The following THRB variants were observed in gnomAD, a reference collection of about 807,000 sequenced individuals.
The protein encoded by THRB is thyroid hormone receptor beta, also known as nuclear receptor subfamily 1 group A member 2.
In THRB, 12 loss-of-function variants were observed where a neutral mutation model predicts 47.8. The ratio of observed to expected loss-of-function variants is 0.25; its 90% CI spans 0.16 to 0.41. The LOEUF (loss-of-function observed/expected upper bound fraction) is 0.41, where lower values mean the gene tolerates loss of function less well. THRB is among the 10% of genes least tolerant of loss of function. The pLI is 1.00. For missense variants in THRB, 348 were observed against 589.2 expected (o/e 0.59, Z 4.24); for synonymous variants, 218 against 212.2 (o/e 1.03, Z -0.24).
At chr3:24,263,045 G>A (rs73823270) in intron 3 of THRB, among the ~76,000 whole-genome samples, 2,962 of 152,250 alleles carry the variant, frequency 0.019, 72 homozygotes, top group African/African-American at 0.058. Flanking sequence ...AAATATTAGT[G>A]TGACATACAG....
At chr3:24,164,521 A>C (rs1051688383) in intron 5 of THRB, among the ~76,000 whole-genome samples, 1 of 152,212 alleles carries the variant, frequency 6.6e-6, no homozygotes, top group African/African-American at 2.4e-5. Flanking sequence ...GAACATTTAC[A>C]GATCCTAGCA....
chr3:24,246,948 A>G (rs2050166821), intron 3 of THRB, among the ~76,000 whole-genome samples: 1 of 152,210 alleles, frequency 6.6e-6, no homozygotes. Flanking sequence ...AAATTCATGT[A>G]ATTTGAAAAC....
At chr3:24,362,597 T>A (rs923471537) in intron 1 of THRB, among the ~76,000 whole-genome samples, 15 of 152,182 alleles carry the variant, frequency 9.9e-5, no homozygotes, top group Non-Finnish European at 1.6e-4. Flanking sequence ...GTAAGCTTCA[T>A]GAAGGCAGAG....
At chr3:24,160,463 T>TCTG (rs1436709173) in intron 5 of THRB, among the ~76,000 whole-genome samples, 12 of 152,178 alleles carry the variant, frequency 7.9e-5, no homozygotes, top group African/African-American at 2.9e-4. Context: ...GCGGGAGGTA[T>TCTG]CTGCGGATAA....
rs915126316 is a variant in THRB, at chr3:24,133,328, A to C, written c.873T>G (p.Pro291=). ...TRVVDFAKKL[P]MFCELPCEDQ... ...ACAACATCCTCACCTCACAAAACAT[A>C]GGCAACTTTTTGGCAAAATCCACCA... Residue 291 remains proline, a synonymous_variant, in exon 9 of 11, where the codon CCT becomes CCG. Coordinates refer to ENST00000646209, the MANE Select transcript of THRB (RefSeq NM_001354712.2). 2 of 1,614,074 alleles carry C rather than the reference A, an allele frequency of 1.2e-6. No homozygotes were observed. The highest frequency in any genetic ancestry group is 2.7e-5 in the African/African-American group (2 of 74,950).
In THRB at chr3:24,133,301, AAAC is replaced by A; in HGVS notation, c.885+12_885+14del. 1 of 1,613,970 alleles carries A rather than the reference AAAC, an allele frequency of 6.2e-7. No individual in the cohort carries two copies. Among genetic ancestry groups the A allele is most frequent in the Non-Finnish European group, 8.5e-7 (1 of 1,179,838 alleles). On this transcript the variant is annotated intron_variant, in intron 9 of 10. Transcript: ENST00000646209. Reference sequence around the variant, plus strand: ...ATAATTAAGAATAATGCAGAAGGAAAAACAACATCCTCACCTCACAAAACATAG... The same window carrying A: ...ATAATTAAGAATAATGCAGAAGGAAAAACATCCTCACCTCACAAAACATAG...
chr3:24,254,320 G>A (rs546556041), intron 3 of THRB, among the ~76,000 whole-genome samples: 18 of 149,902 alleles, frequency 1.2e-4, no homozygotes, highest in Non-Finnish European at 1.8e-4. Context: ...GTGTGAACCC[G>A]GGAGGCAAAG....
At chr3:24,146,415 G>C (rs563332976) in intron 7 of THRB, among the ~76,000 whole-genome samples, 2 of 152,306 alleles carry the variant, frequency 1.3e-5, no homozygotes, top group South Asian at 4.1e-4. Context: ...TAATTTAACT[G>C]CATTTCCTCC....
intron 3 of THRB, among the ~76,000 whole-genome samples, chr3:24,292,574 C>T (rs960869378): frequency 6.6e-6 from 1 of 152,100 alleles, no homozygotes; most frequent in Admixed American, 6.5e-5. Context: ...CTCCCTGGCT[C>T]GACGTTAAGC....
intron 2 of THRB, among the ~76,000 whole-genome samples, chr3:24,332,193 C>A (rs1186122284): frequency 6.6e-6 from 1 of 152,088 alleles, no homozygotes; most frequent in Non-Finnish European, 1.5e-5. Context: ...TTTTTCTACC[C>A]CTCCCCCATT....
chr3:24,291,155 T>C (rs1349819413), intron 3 of THRB, among the ~76,000 whole-genome samples: 2 of 152,160 alleles, frequency 1.3e-5, no homozygotes, highest in Non-Finnish European at 2.9e-5. Context: ...CCTCTCACAA[T>C]AGGAGATTAG....
chr3:24,337,152 A>T (rs1296159067), intron 2 of THRB, 148 bp downstream of exon 2: 1 of 152,064 alleles, frequency 6.6e-6, no homozygotes, highest in Non-Finnish European at 1.5e-5. Context: ...AATGCTTTAT[A>T]TTTTTTCGGA....
At position 24,470,684 on chromosome 3, in the gene THRB, T is replaced by G. The variant is rs187254424; in HGVS notation, c.-261+23968A>C. 4.2e-3 allele frequency among the ~76,000 whole-genome samples: 641 copies of G among 152,318 alleles called. 6 individuals carry two copies. Among genetic ancestry groups the G allele is most frequent in the African/African-American group, 0.015 (620 of 41,574 alleles). ...CAGGCTGGAGTGCAATGGTGCGATCTCGGCTCACTGCAACCCCTGCCTCTC... is the reference window on the plus strand; with the variant it reads ...CAGGCTGGAGTGCAATGGTGCGATCGCGGCTCACTGCAACCCCTGCCTCTC... On this transcript the variant is annotated intron_variant, in intron 1 of 10. Transcript: ENST00000646209.
At chr3:24,405,304 CAAAT>C (rs2067731816) in intron 1 of THRB, among the ~76,000 whole-genome samples, 1 of 151,920 alleles carries the variant, frequency 6.6e-6, no homozygotes, top group Non-Finnish European at 1.5e-5. Context: ...CCTATTTTCA[CAAAT>C]AAAGTTTTAC....
At chr3:24,276,675 A>T (rs2053946118) in intron 3 of THRB, among the ~76,000 whole-genome samples, 1 of 152,214 alleles carries the variant, frequency 6.6e-6, no homozygotes, top group Admixed American at 6.5e-5. Flanking sequence ...GGATGCAGTG[A>T]TGGATACGAT....
At chr3:24,174,137 G>C (rs950686133) in intron 5 of THRB, among the ~76,000 whole-genome samples, 7 of 152,078 alleles carry the variant, frequency 4.6e-5, no homozygotes, top group African/African-American at 1.7e-4. Context: ...TGTCATCTAC[G>C]TGTTAAGCCG....
At chr3:24,189,029 T>C (rs2149577874) in intron 5 of THRB, among the ~76,000 whole-genome samples, 1 of 151,846 alleles carries the variant, frequency 6.6e-6, no homozygotes, top group Middle Eastern at 3.4e-3. Context: ...CCAGGTAAAC[T>C]GGTAATTCCC....
At chr3:24,167,056 G>A (rs1240941881) in intron 5 of THRB, among the ~76,000 whole-genome samples, 4 of 152,106 alleles carry the variant, frequency 2.6e-5, no homozygotes. Flanking sequence ...TAAATATACA[G>A]TCAAGTGGAC....
rs769958811 is a variant in THRB at position 24,190,381 on chromosome 3, G to A, written c.23-47C>T. The A allele has an allele frequency of 2.5e-6, 4 of 1,613,298 alleles. No individual in the cohort carries two copies. In the Admixed American group the frequency reaches 5.0e-5, roughly 20 times the overall value. The stretch of plus-strand genomic sequence containing the variant: ...GATGACGAGCTGTTGGCATTGTCAA[G>A]ATTTTGCTGAGATGCAGAGTTTTGG... On this transcript the variant is annotated intron_variant, in intron 4 of 10. Coordinates refer to ENST00000646209, the MANE Select transcript of THRB (RefSeq NM_001354712.2).
Sources: allele counts gnomAD v4.1 joint callset (sites outside exome capture counted in the v4.1 genomes callset), GRCh38; gene constraint gnomAD v4.1.1; transcripts MANE v1.5; gene names NCBI Gene and HGNC (gene_info 2026-07-23, HGNC 2026-07-21).